The following LRRC7 variants were observed in gnomAD, a reference collection of about 807,000 sequenced individuals.
LRRC7 encodes leucine rich repeat containing 7.
LRRC7 carries 23 observed loss-of-function variants against 175.7 expected under a neutral mutation model. That is an observed-to-expected ratio of 0.13 (90% CI 0.09 to 0.19). The LOEUF is 0.19. LRRC7 is among the 10% of genes least tolerant of loss of function. The pLI is 1.00. For synonymous variants in LRRC7, 685 were observed against 680.9 expected (o/e 1.01, Z -0.09); for missense variants, 1,354 against 1,904.7 (o/e 0.71, Z 5.38).
rs1645719677 is a variant in LRRC7 at position 69,888,369 on chromosome 1, T to C, written c.648-43138T>C. ...GAAAAGCGCAATATTCGGGTGGGAG[T>C]GACCCGATTTTCCAGGTGCGTCCGT... On this transcript the variant is annotated intron_variant, in intron 7 of 26. Coordinates refer to ENST00000651989, the MANE Select transcript of LRRC7 (RefSeq NM_001370785.2). Among the ~76,000 whole-genome samples the C allele has an allele frequency of 3.9e-5, 6 of 152,054 alleles. No individual in the cohort carries two copies. In the South Asian group the frequency reaches 1.2e-3, roughly 32 times the overall value.
chr1:69,650,655 T>A (rs1655698811), intron 1 of LRRC7, among the ~76,000 whole-genome samples: 8 of 152,130 alleles, frequency 5.3e-5, no homozygotes, highest in Admixed American at 5.2e-4. Flanking sequence ...GAAGTCTTTG[T>A]CTGTGTTTGA....
intron 2 of LRRC7, among the ~76,000 whole-genome samples, chr1:69,725,274 G>A (rs576127802): frequency 6.6e-6 from 1 of 152,150 alleles, no homozygotes; most frequent in South Asian, 2.1e-4. Context: ...GAAGAGAAGA[G>A]GTTGCTCTTT....
chr1:69,893,110 C>T (rs1645883618), intron 7 of LRRC7, among the ~76,000 whole-genome samples: 1 of 152,100 alleles, frequency 6.6e-6, no homozygotes, highest in South Asian at 2.1e-4. Flanking sequence ...ACAGATTAAC[C>T]ATTCAGTCCT....
chr1:69,844,345 C>T (rs1451051995), intron 7 of LRRC7, among the ~76,000 whole-genome samples: 3 of 152,088 alleles, frequency 2.0e-5, no homozygotes, highest in African/African-American at 7.2e-5. Context: ...AATTGAACAA[C>T]TCCCCATTCC....
intron 8 of LRRC7, among the ~76,000 whole-genome samples, chr1:69,945,381 T>TAC (rs1254656280): frequency 6.6e-6 from 1 of 152,110 alleles, no homozygotes; most frequent in East Asian, 1.9e-4. Flanking sequence ...TCTGTGCCTG[T>TAC]ACCATGCTGT....
chr1:69,606,977 G>A (rs2101015454), intron 1 of LRRC7: 1 of 152,098 alleles, frequency 6.6e-6, no homozygotes, highest in Admixed American at 6.6e-5. Flanking sequence ...GTCAATGCTG[G>A]GCTTCATTAT....
intron 7 of LRRC7, among the ~76,000 whole-genome samples, chr1:69,887,904 G>C (rs528794223): frequency 6.9e-6 from 1 of 144,668 alleles, no homozygotes; most frequent in African/African-American, 2.8e-5. Flanking sequence ...GCCCCTGCTG[G>C]GGGGTGCCTC....
At chr1:69,697,380 A>G (rs1463070525) in intron 2 of LRRC7, among the ~76,000 whole-genome samples, 3 of 152,200 alleles carry the variant, frequency 2.0e-5, no homozygotes, top group Admixed American at 6.5e-5. Flanking sequence ...ACCTTGTTCA[A>G]TTCCACTGAA....
intron 7 of LRRC7, among the ~76,000 whole-genome samples, chr1:69,911,793 A>G (rs1646538627): frequency 6.6e-6 from 1 of 152,228 alleles, no homozygotes; most frequent in Non-Finnish European, 1.5e-5. Context: ...CTTAGCCTCT[A>G]AAGTTTAAAT....
At chr1:69,623,161 T>C (rs1650912689) in intron 1 of LRRC7, among the ~76,000 whole-genome samples, 2 of 152,292 alleles carry the variant, frequency 1.3e-5, no homozygotes, top group South Asian at 2.1e-4. Flanking sequence ...ACAGTGAAAA[T>C]TGACATTCCT....
intron 7 of LRRC7, among the ~76,000 whole-genome samples, chr1:69,855,991 C>T (rs1229660886): frequency 6.6e-6 from 1 of 152,120 alleles, no homozygotes; most frequent in East Asian, 1.9e-4. Context: ...GATCTTCCTC[C>T]ATCCCTTTAT....
chr1:69,928,857 T>G (rs979111528), intron 7 of LRRC7, among the ~76,000 whole-genome samples: 1 of 152,230 alleles, frequency 6.6e-6, no homozygotes, highest in Admixed American at 6.5e-5. Context: ...GGGATGACCT[T>G]GGTACCTCAG....
chr1:69,932,480 T>C (rs1205571395), intron 8 of LRRC7, among the ~76,000 whole-genome samples: 1 of 152,152 alleles, frequency 6.6e-6, no homozygotes, highest in Non-Finnish European at 1.5e-5. Flanking sequence ...AAATTTATTC[T>C]AATAAATGCC....
Position 70,134,510 on chromosome 1 carries a change from C to T in LRRC7, c.*12623C>T, listed in dbSNP as rs992694155. Among the ~76,000 whole-genome samples, 2 of 152,124 alleles carry T rather than the reference C, an allele frequency of 1.3e-5. No homozygotes were observed. Among genetic ancestry groups the T allele is most frequent in the Non-Finnish European group, 2.9e-5 (2 of 68,026 alleles). On this transcript the variant is annotated 3_prime_UTR_variant, in exon 27 of 27. Coordinates refer to ENST00000651989, the MANE Select transcript of LRRC7 (RefSeq NM_001370785.2). ...CTACTTATATGGGTTTCAGGTGTTC[C>T]CCTGCCAACCATTTAATCTTTTTTT... is the stretch of plus-strand genomic sequence containing the variant.
chr1:69,774,592 A>G (rs1672610371), intron 3 of LRRC7, among the ~76,000 whole-genome samples: 1 of 152,202 alleles, frequency 6.6e-6, no homozygotes. Flanking sequence ...GCTTCACTAC[A>G]GTAGCCTTTT....
At chr1:70,104,202 C>T (rs1360089620) in intron 25 of LRRC7, among the ~76,000 whole-genome samples, 1 of 152,180 alleles carries the variant, frequency 6.6e-6, no homozygotes, top group African/African-American at 2.4e-5. Context: ...TCCCACCAAA[C>T]TCTGTCATCA....
At chr1:69,763,683 A>G (rs2100953776) in intron 3 of LRRC7, among the ~76,000 whole-genome samples, 1 of 152,208 alleles carries the variant, frequency 6.6e-6, no homozygotes, top group African/African-American at 2.4e-5. Context: ...AGGAGGAAAA[A>G]TGCCTCAAAA....
chr1:69,779,080 G>A (rs1217656118), intron 3 of LRRC7, among the ~76,000 whole-genome samples: 1 of 151,116 alleles, frequency 6.6e-6, no homozygotes, highest in Non-Finnish European at 1.5e-5. Flanking sequence ...ACACTAGTAT[G>A]GAACTTTAGA....
intron 24 of LRRC7, among the ~76,000 whole-genome samples, chr1:70,077,090 T>C (rs1045605075): frequency 6.6e-6 from 1 of 152,180 alleles, no homozygotes; most frequent in Non-Finnish European, 1.5e-5. Flanking sequence ...CTATAAAAGC[T>C]TCATTTTATT....
Sources: gnomAD v4.1 joint callset for allele counts (sites outside exome capture counted in the v4.1 genomes callset) on GRCh38, gnomAD v4.1.1 for gene constraint, MANE v1.5 for transcripts, NCBI Gene and HGNC (gene_info 2026-07-23, HGNC 2026-07-21) for gene names.